The following FIG4 variants were observed in gnomAD, a reference collection of about 807,000 sequenced individuals.
FIG4 encodes the protein FIG4 phosphoinositide 5-phosphatase.
In FIG4, 112 loss-of-function variants were observed where a neutral mutation model predicts 118.6. The observed-to-expected ratio is 0.94, with a 90% confidence interval of 0.81 to 1.11. The LOEUF is 1.11. Among genes scored for constraint, FIG4 ranks in the 50% least tolerant of loss-of-function variants. The pLI is 0.00. For synonymous variants in FIG4, 369 were observed against 381.2 expected (o/e 0.97, Z 0.37); for missense variants, 969 against 1,111.7 (o/e 0.87, Z 1.83).
At chr6:109,774,626 T>C (rs957259529) in intron 15 of FIG4, among the ~76,000 whole-genome samples, 1 of 152,204 alleles carries the variant, frequency 6.6e-6, no homozygotes, top group South Asian at 2.1e-4. Context: ...TTTTGAAATG[T>C]ATTTGCCAAC....
In FIG4 at chr6:109,779,560, G is replaced by A. The variant is rs1316322164; in HGVS notation, c.1889+2500G>A. ...AATATGGCTTACTCAGTTGATTTAG[G>A]TCTCCTTTTTCTGTTTGTTTGTTTT... On this transcript the variant is annotated intron_variant, in intron 16 of 22. Coordinates refer to ENST00000230124, the MANE Select transcript of FIG4 (RefSeq NM_014845.6). 3.3e-5 allele frequency among the ~76,000 whole-genome samples: 5 copies of A among 152,104 alleles called. No homozygotes were observed. In the East Asian group the frequency reaches 9.6e-4, roughly 29 times the overall value.
At chr6:109,800,405 C>T (rs1191158453) in intron 22 of FIG4, among the ~76,000 whole-genome samples, 1 of 152,160 alleles carries the variant, frequency 6.6e-6, no homozygotes, top group Non-Finnish European at 1.5e-5. Flanking sequence ...ATTCTTTCCT[C>T]AGTACCTAGC....
rs1779131183 is a variant in FIG4, at chr6:109,825,359, T to C, written c.*94T>C. Reference sequence around the variant, plus strand: ...GGTAACTTATTAAAAGTCCTTTGCGTCTGAAGCCTTTCTCCTTTTCTGTCA... The same window carrying C: ...GGTAACTTATTAAAAGTCCTTTGCGCCTGAAGCCTTTCTCCTTTTCTGTCA... On this transcript the variant is annotated 3_prime_UTR_variant, in exon 23 of 23. Coordinates refer to ENST00000230124, the MANE Select transcript of FIG4 (RefSeq NM_014845.6). The C allele has an allele frequency of 6.0e-6, 7 of 1,165,794 alleles. No individual in the cohort carries two copies. Among genetic ancestry groups the C allele is most frequent in the Non-Finnish European group, 8.8e-6 (7 of 791,736 alleles). 72.2% of individuals were successfully genotyped at this position (1,165,794 alleles called of 1,614,324 possible).
At chr6:109,781,037 C>G (rs1337307594) in intron 16 of FIG4, among the ~76,000 whole-genome samples, 1 of 152,134 alleles carries the variant, frequency 6.6e-6, no homozygotes, top group Non-Finnish European at 1.5e-5. Flanking sequence ...TTGGCCTGCC[C>G]CCTGTCTGAT....
rs2128375315 is a variant in FIG4 at position 109,691,492 on chromosome 6, G to C, written c.57G>C (p.Glu19Asp). 4 of 1,580,748 alleles carry C rather than the reference G, an allele frequency of 2.5e-6. No individual in the cohort carries two copies. The highest frequency in any genetic ancestry group is 2.6e-6 in the Non-Finnish European group (3 of 1,162,858). The part of the protein sequence containing the change: ...ISSVQKLVLY[E>D]TRARYFLVGS... ...CGGTCCAGAAGCTGGTTCTGTATGA[G>C]ACTAGAGCTGTGAGTACCCCCTCGC... Residue 19 changes from glutamate (E) to aspartate (D), a missense_variant, in exon 1 of 23, where the codon GAG becomes GAC. By Grantham distance (45) the Glu-to-Asp change is conservative. Coordinates refer to ENST00000230124, the MANE Select transcript of FIG4 (RefSeq NM_014845.6).
Position 109,753,313 on chromosome 6 carries a change from G to C in FIG4, c.1138-6937G>C, listed in dbSNP as rs9481001. On this transcript the variant is annotated intron_variant, in intron 10 of 22. Transcript: ENST00000230124. Reference sequence around the variant, plus strand: ...TTCCATTGATCTATATCTCTGTTTTGGTACCAGTACCATGCTGTTTTGGTT... The same window carrying C: ...TTCCATTGATCTATATCTCTGTTTTCGTACCAGTACCATGCTGTTTTGGTT... Among the ~76,000 whole-genome samples, 798 of 151,966 alleles carry C rather than the reference G, an allele frequency of 5.3e-3. 9 individuals are homozygous for C. Among genetic ancestry groups the C allele is most frequent in the African/African-American group, 0.019 (771 of 41,412 alleles).
At chr6:109,762,355 A>C in intron 12 of FIG4, 148 bp downstream of exon 12, 3 of 669,734 alleles carry the variant, frequency 4.5e-6, no homozygotes, top group Non-Finnish European at 8.2e-6. Flanking sequence ...CTGAATGTTC[A>C]CTGGGGCATG....
At chr6:109,818,891 C>G (rs1457252517) in intron 22 of FIG4, among the ~76,000 whole-genome samples, 1 of 152,150 alleles carries the variant, frequency 6.6e-6, no homozygotes, top group Non-Finnish European at 1.5e-5. Context: ...TGCAAGGGAT[C>G]CTGGGATATT....
intron 22 of FIG4, among the ~76,000 whole-genome samples, chr6:109,803,486 T>A (rs891248021): frequency 2.0e-5 from 3 of 152,166 alleles, no homozygotes; most frequent in Admixed American, 2.0e-4. Context: ...GGGGCTAAGG[T>A]AGTGAGTTTC....
intron 15 of FIG4, among the ~76,000 whole-genome samples, chr6:109,770,797 A>G (rs1436814608): frequency 6.6e-6 from 1 of 152,180 alleles, no homozygotes; most frequent in Admixed American, 6.5e-5. Context: ...CTCCATCTCC[A>G]AAATTGTGGA....
rs574789398 is a variant in FIG4 at position 109,696,668 on chromosome 6, G to A, written c.66+5167G>A. 2.4e-4 allele frequency among the ~76,000 whole-genome samples: 36 copies of A among 152,300 alleles called. No individual in the cohort carries two copies. In the Middle Eastern group the frequency reaches 0.01, roughly 43 times the overall value. On this transcript the variant is annotated intron_variant, in intron 1 of 22. Transcript: ENST00000230124. Reference sequence around the variant, plus strand: ...GAAAGATAAATGTTCTCATTCACACGTGGGTGCTAAAAAACGATGTTGAGC... The same window carrying A: ...GAAAGATAAATGTTCTCATTCACACATGGGTGCTAAAAAACGATGTTGAGC...
At chr6:109,736,488 A>G (rs979407615) in intron 6 of FIG4, among the ~76,000 whole-genome samples, 2 of 152,116 alleles carry the variant, frequency 1.3e-5, no homozygotes, top group Non-Finnish European at 2.9e-5. Flanking sequence ...AACCCATACC[A>G]CTAGAGACAG....
At chr6:109,752,979 T>A (rs1327826294) in intron 10 of FIG4, among the ~76,000 whole-genome samples, 1 of 152,126 alleles carries the variant, frequency 6.6e-6, no homozygotes, top group Non-Finnish European at 1.5e-5. Context: ...TTAGGTCTAA[T>A]GTTTAGTCTT....
chr6:109,750,125 T>C (rs1402771864), intron 10 of FIG4, among the ~76,000 whole-genome samples: 2 of 152,212 alleles, frequency 1.3e-5, no homozygotes, highest in Non-Finnish European at 2.9e-5. Context: ...GCGAAATGCT[T>C]TTCATGATTT....
intron 21 of FIG4, among the ~76,000 whole-genome samples, chr6:109,792,904 T>C (rs1354978393): frequency 6.6e-6 from 1 of 152,040 alleles, no homozygotes; most frequent in Admixed American, 6.6e-5. Flanking sequence ...TTGCCCAGGC[T>C]AGCCTCAAAC....
At chr6:109,742,415 GACAACTTGAGTTTTGA>G (rs1776353728) in intron 8 of FIG4, among the ~76,000 whole-genome samples, 1 of 152,056 alleles carries the variant, frequency 6.6e-6, no homozygotes, top group Non-Finnish European at 1.5e-5. Context: ...GTTTGCAATA[GACAACTTGAGTTTTGA>G]GTGGATGTGT....
At chr6:109,823,402 G>A (rs1032163537) in intron 22 of FIG4, among the ~76,000 whole-genome samples, 9 of 152,150 alleles carry the variant, frequency 5.9e-5, no homozygotes, top group African/African-American at 2.2e-4. Flanking sequence ...CCCTAGTTCT[G>A]TGTTATTTTA....
At chr6:109,750,643 A>C (rs563520654) in intron 10 of FIG4, among the ~76,000 whole-genome samples, 69 of 152,280 alleles carry the variant, frequency 4.5e-4, no homozygotes, top group Non-Finnish European at 9.3e-4. Context: ...TTTATAAAAA[A>C]AGAAAAAAGA....
intron 3 of FIG4, among the ~76,000 whole-genome samples, chr6:109,724,986 T>C (rs775880582): frequency 2.6e-5 from 4 of 152,134 alleles, no homozygotes; most frequent in Admixed American, 6.6e-5. Flanking sequence ...TCTATACCCA[T>C]GGAACAACAA....
Sources: allele counts gnomAD v4.1 joint callset (sites outside exome capture counted in the v4.1 genomes callset), GRCh38; gene constraint gnomAD v4.1.1; transcripts MANE v1.5; gene names NCBI Gene and HGNC (gene_info 2026-07-23, HGNC 2026-07-21).